Variants in HMGXB3 observed in about 807,000 individuals in gnomAD.
HMGXB3 encodes HMG domain-containing protein 3.
In HMGXB3, 45 loss-of-function variants were observed where a neutral mutation model predicts 121.5. The observed-to-expected ratio is 0.37, with a 90% confidence interval of 0.29 to 0.47. The LOEUF (loss-of-function observed/expected upper bound fraction) is 0.47, where lower values mean the gene tolerates loss of function less well. Ranked by LOEUF, HMGXB3 falls within the 20% of genes least tolerant of loss-of-function variation. HMGXB3 has a pLI of 0.99. For missense variants in HMGXB3, 1,376 were observed against 1,602.2 expected, an observed-to-expected ratio of 0.86 and a Z score of 2.41; for synonymous variants, 590 against 624.1, an observed-to-expected ratio of 0.95 and a Z score of 0.81.
intron 6 of HMGXB3, 22 bp from the exon 7 acceptor site, chr5:150,024,240 C>A: frequency 6.7e-7 from 1 of 1,496,708 alleles, no homozygotes; most frequent in Non-Finnish European, 8.9e-7. Flanking sequence ...CTTATGTATA[C>A]AAGGTATTCT....
chr5:150,006,330 C>A (rs1755700067), intron 2 of HMGXB3, 143 bp from the exon 3 acceptor site: 1 of 566,058 alleles, frequency 1.8e-6, no homozygotes, highest in Non-Finnish European at 2.9e-6. Context: ...GTTTTATCAA[C>A]CTCTTGACTA....
chr5:150,047,625 C>T lies in HMGXB3; in HGVS notation c.2952C>T (p.Gly984=), dbSNP rs774257304. ...CACCAGCACTGTTGTCTCTTGCAGG[C>T]AGTGGCAGTGCCTTGGTGAGGCTGC... is the stretch of plus-strand genomic sequence containing the variant. The part of the protein sequence containing the change: ...DKNLDVQPVP[G]SGSALVRLLQ... The change falls in exon 17 of 20, where the codon GGC becomes GGT. Residue 984 remains glycine (G), a splice_region_variant and synonymous_variant. Transcript: ENST00000502717. The T allele has an allele frequency of 6.4e-7, 1 of 1,551,628 alleles. No individual in the cohort carries two copies. Among genetic ancestry groups the T allele is most frequent in the South Asian group, 1.2e-5 (1 of 84,056 alleles).
intron 19 of HMGXB3, among the ~76,000 whole-genome samples, 180 bp downstream of exon 19, chr5:150,050,641 C>G (rs1292169096): frequency 6.6e-6 from 1 of 152,232 alleles, no homozygotes; most frequent in Admixed American, 6.5e-5. Flanking sequence ...ACCACCACAC[C>G]TGGCTAATTT....
chr5:150,011,585 T>TG (rs1561852820), intron 4 of HMGXB3, among the ~76,000 whole-genome samples: 13 of 150,198 alleles, frequency 8.7e-5, no homozygotes, highest in African/African-American at 3.0e-4. Context: ...TTGTTGTTGT[T>TG]GTTGGTTGTT....
chr5:150,047,779 G>A lies in HMGXB3; in HGVS notation c.3084+22G>A, dbSNP rs1756793477. 6 of 1,551,294 alleles carry A rather than the reference G, an allele frequency of 3.9e-6. No homozygotes were observed. The Admixed American group carries it at 5.9e-5, about 15-fold the overall frequency. The stretch of plus-strand genomic sequence containing the variant: ...CAAGGTGAGTGTCAAGGGCAGTGGT[G>A]GATATCGGGGCTTCTGGAGTAGGCT... On this transcript the variant is annotated intron_variant, in intron 17 of 19. Transcript: ENST00000502717.
intron 11 of HMGXB3, 24 bp downstream of exon 11, chr5:150,032,627 T>TC: frequency 6.4e-7 from 1 of 1,551,848 alleles, no homozygotes; most frequent in Non-Finnish European, 8.7e-7. Flanking sequence ...CCCAAACACA[T>TC]CCCCTGGCCT....
At chr5:150,010,090 T>C (rs1367970790) in intron 3 of HMGXB3, 21 bp from the exon 4 acceptor site, 1 of 1,542,726 alleles carries the variant, frequency 6.5e-7, no homozygotes, top group Non-Finnish European at 8.8e-7. Context: ...GTCTCCCCCT[T>C]CCTGGCTTCC....
At chr5:150,023,107 G>A (rs1756141211) in intron 6 of HMGXB3, among the ~76,000 whole-genome samples, 1 of 151,698 alleles carries the variant, frequency 6.6e-6, no homozygotes, top group Non-Finnish European at 1.5e-5. Context: ...AGGATCACGG[G>A]CATGAGCCAT....
chr5:150,043,224 A>G (rs982860447), intron 15 of HMGXB3, among the ~76,000 whole-genome samples: 1 of 152,200 alleles, frequency 6.6e-6, no homozygotes, highest in African/African-American at 2.4e-5. Flanking sequence ...AACAGTAGGA[A>G]ATCTTCCTTA....
At position 150,052,328 on chromosome 5, in the gene HMGXB3, C is replaced by A; in HGVS notation, c.*136C>A. 1 of 687,832 alleles carries A rather than the reference C, an allele frequency of 1.5e-6. No individual in the cohort carries two copies. The highest frequency in any genetic ancestry group is 2.4e-6 in the Non-Finnish European group (1 of 415,792). 42.6% of individuals were successfully genotyped at this position (687,832 alleles called of 1,614,324 possible). On this transcript the variant is annotated 3_prime_UTR_variant, in exon 20 of 20. Transcript: ENST00000502717. ...CTGACTGCTGGGACTGACCAAAGAG[C>A]TTCCATTCCCTGAGCATGGTGGGAC... is the stretch of plus-strand genomic sequence containing the variant.
At chr5:150,007,515 G>A (rs1005253472) in intron 3 of HMGXB3, among the ~76,000 whole-genome samples, 2 of 152,172 alleles carry the variant, frequency 1.3e-5, no homozygotes, top group African/African-American at 4.8e-5. Context: ...AGCAGAACAG[G>A]TTGTATTTTC....
chr5:150,030,914 C>T (rs1388401902), intron 10 of HMGXB3, 75 bp downstream of exon 10: 5 of 1,061,666 alleles, frequency 4.7e-6, no homozygotes, highest in Non-Finnish European at 7.1e-6. Flanking sequence ...CAGTAGGAGG[C>T]TGGGGGAGAG....
intron 9 of HMGXB3, among the ~76,000 whole-genome samples, chr5:150,028,505 ATGTGTGTGTG>A (rs1156746032): frequency 1.7e-4 from 15 of 90,488 alleles, no homozygotes; most frequent in African/African-American, 7.2e-4. Context: ...ATATGTATGT[ATGTGTGTGTG>A]TGTGTGTGTG....
chr5:150,037,299 C>T (rs1756522468), intron 12 of HMGXB3, 101 bp from the exon 13 acceptor site: 6 of 1,193,716 alleles, frequency 5.0e-6, no homozygotes, highest in Non-Finnish European at 5.7e-6. Flanking sequence ...AAATCCTAAG[C>T]TCCAGCAAAT....
chr5:150,018,454 T>C (rs1381243172), intron 5 of HMGXB3, 112 bp from the exon 6 acceptor site: 1 of 817,244 alleles, frequency 1.2e-6, no homozygotes, highest in Admixed American at 3.9e-5. Flanking sequence ...GATATGATTA[T>C]GAATTGGTTA....
At position 150,052,163 on chromosome 5, in the gene HMGXB3, G is replaced by T; in HGVS notation, c.3850G>T (p.Glu1284Ter). The change falls in exon 20 of 20, where the codon GAA (glutamate) becomes TAA (stop). Residue 1284 changes from glutamate to a stop codon, truncating the protein, a stop_gained. Coordinates refer to ENST00000502717, the MANE Select transcript of HMGXB3 (RefSeq NM_014983.3). LOFTEE classifies it high-confidence loss of function. Reference sequence around the variant, plus strand: ...GACAGAGACAGAGGAGGAGGGTGAGGAAGAGGAGGTGGCCGCAGTGGCAGA... The same window carrying T: ...GACAGAGACAGAGGAGGAGGGTGAGTAAGAGGAGGTGGCCGCAGTGGCAGA... ...IKTETEEEGE[E>*]EEVAAVAE 1 of 1,547,528 alleles carries T rather than the reference G, an allele frequency of 6.5e-7. No homozygotes were observed.
At position 150,027,069 on chromosome 5, in the gene HMGXB3, G is replaced by T. The variant is rs1756249696; in HGVS notation, c.1686G>T (p.Lys562Asn). ...GTGGTCTGAAGCCAAGCACACTGAA[G>T]CAGCTGGGCCAGCCCATTCAACAGC... The part of the protein sequence containing the change: ...RTCGLKPSTL[K>N]QLGQPIQQPS... The change falls in exon 9 of 20, where the codon AAG becomes AAT. Residue 562 changes from lysine to asparagine, a missense_variant. Lys to Asn is a moderately conservative substitution (Grantham distance 94, BLOSUM62 0). Around this residue, in one of 2 missense-constraint regions of HMGXB3, gnomAD observed 1,116 missense variants for 1,369.0 expected, o/e 0.82. Transcript: ENST00000502717. The T allele has an allele frequency of 4.5e-6, 7 of 1,551,626 alleles. No homozygotes were observed. The highest frequency in any genetic ancestry group is 6.1e-6 in the Non-Finnish European group (7 of 1,147,010).
At chr5:150,032,674 A>T in intron 11 of HMGXB3, 71 bp downstream of exon 11, 2 of 1,502,902 alleles carry the variant, frequency 1.3e-6, no homozygotes, top group Non-Finnish European at 1.8e-6. Flanking sequence ...CTTAGTAGAA[A>T]TAAGAAGATT....
chr5:150,032,299 T>C (rs552631537), intron 10 of HMGXB3, among the ~76,000 whole-genome samples, 155 bp from the exon 11 acceptor site: 10 of 152,366 alleles, frequency 6.6e-5, no homozygotes, highest in African/African-American at 2.2e-4. Flanking sequence ...AAGAGTTAAC[T>C]GCAGAAAAGG....
Sources: allele counts gnomAD v4.1 joint callset (sites outside exome capture counted in the v4.1 genomes callset), GRCh38; gene constraint gnomAD v4.1.1; regional missense constraint gnomAD v4.1.1; transcripts MANE v1.5; gene names NCBI Gene and HGNC (gene_info 2026-07-23, HGNC 2026-07-21).